Variants in FBXO25 observed in about 807,000 individuals in gnomAD.
FBXO25 encodes the protein F-box protein 25, also known as F-box only protein 25.
Under a neutral mutation model 51.9 loss-of-function variants are expected in FBXO25, and 45 were observed. That is an observed-to-expected ratio of 0.87 (90% CI 0.68 to 1.11). The LOEUF (loss-of-function observed/expected upper bound fraction) is 1.11. FBXO25 is among the 50% of genes most tolerant of loss of function. The pLI is 0.00. For missense variants in FBXO25, 507 were observed against 428.5 expected (o/e 1.18, Z -1.62); for synonymous variants, 199 against 151.0 (o/e 1.32, Z -2.33).
chr8:423,614 G>T (rs548641372), intron 2 of FBXO25, among the ~76,000 whole-genome samples: 46 of 152,240 alleles, frequency 3.0e-4, no homozygotes, highest in Non-Finnish European at 1.6e-4. Flanking sequence ...GCTGCAAAGG[G>T]TGTGATTTTA....
intron 7 of FBXO25, among the ~76,000 whole-genome samples, chr8:454,420 C>G (rs1198203023): frequency 2.0e-5 from 3 of 152,154 alleles, no homozygotes; most frequent in African/African-American, 7.2e-5. Flanking sequence ...GCTCGCTGGG[C>G]CCATCATGAG....
rs989347780 is a variant in FBXO25 at position 467,950 on chromosome 8, G to T, written c.988-765G>T. ...GAGAGTGTTGATGAAATATTTTGCA[G>T]AACAACACCTGAGTGCTGAGGGAGG... On this transcript the variant is annotated intron_variant, in intron 9 of 9. Coordinates refer to ENST00000350302, the MANE Select transcript of FBXO25 (RefSeq NM_183420.2). The T allele has an allele frequency of 4.9e-6, 7 of 1,414,420 alleles. No individual in the cohort carries two copies. In the African/African-American group the frequency reaches 5.8e-5, roughly 12 times the overall value. The allele number at this position is 1,414,420 out of a possible 1,614,324, so 87.6% of individuals were successfully genotyped here.
chr8:410,786 CA>C (rs1441580953), intron 1 of FBXO25, among the ~76,000 whole-genome samples: 1 of 152,098 alleles, frequency 6.6e-6, no homozygotes, highest in Non-Finnish European at 1.5e-5. Flanking sequence ...TTTTCTAAAG[CA>C]AGAATTTAAA....
At chr8:449,878 T>C (rs1798969840) in intron 5 of FBXO25, 112 bp from the exon 6 acceptor site, 1 of 750,004 alleles carries the variant, frequency 1.3e-6, no homozygotes, top group Non-Finnish European at 2.3e-6. Context: ...TACAGTGACT[T>C]AATTTAGGAT....
rs887741891 is a variant in FBXO25 at position 474,542 on chromosome 8, G to A, written c.*5738G>A. On this transcript the variant is annotated 3_prime_UTR_variant, in exon 10 of 10. Coordinates refer to ENST00000350302, the MANE Select transcript of FBXO25 (RefSeq NM_183420.2). Reference sequence around the variant, plus strand: ...AAGGTTCCAGTTTTGCCACATCCTTGCCAACACCTGTTTTTAATAATTGCC... The same window carrying A: ...AAGGTTCCAGTTTTGCCACATCCTTACCAACACCTGTTTTTAATAATTGCC... 2.9e-6 allele frequency: 1 copy of A among 347,946 alleles called. No individual in the cohort carries two copies. The highest frequency in any genetic ancestry group is 5.5e-6 in the Non-Finnish European group (1 of 180,884). 21.6% of individuals were successfully genotyped at this position (347,946 alleles called of 1,614,324 possible).
At chr8:435,859 A>C in intron 5 of FBXO25, 152 bp downstream of exon 5, 1 of 1,109,576 alleles carries the variant, frequency 9.0e-7, no homozygotes, top group Non-Finnish European at 1.2e-6. Context: ...GAACAAGTTC[A>C]GGAGAAAACA....
chr8:423,916 T>A (rs1797314739), intron 2 of FBXO25, among the ~76,000 whole-genome samples: 1 of 152,222 alleles, frequency 6.6e-6, no homozygotes, highest in African/African-American at 2.4e-5. Context: ...GTCAACAGTG[T>A]ATAAGCATTC....
At chr8:430,928 G>T (rs1241864700) in intron 2 of FBXO25, among the ~76,000 whole-genome samples, 4 of 152,072 alleles carry the variant, frequency 2.6e-5, no homozygotes, top group Non-Finnish European at 2.9e-5. Flanking sequence ...CCTTATATAG[G>T]GAGTAAACAG....
intron 3 of FBXO25, 99 bp from the exon 4 acceptor site, chr8:432,787 G>T: frequency 7.5e-7 from 1 of 1,334,352 alleles, no homozygotes; most frequent in Non-Finnish European, 9.9e-7. Flanking sequence ...TAGTAAGTCA[G>T]ATAATTTTGT....
intron 2 of FBXO25, among the ~76,000 whole-genome samples, chr8:424,374 T>G (rs1372039314): frequency 2.6e-5 from 4 of 152,194 alleles, no homozygotes; most frequent in African/African-American, 9.6e-5. Flanking sequence ...TTAATTAAAT[T>G]CTACTTGCCA....
chr8:451,323 G>A lies in FBXO25; in HGVS notation c.530G>A (p.Ser177Asn). The change falls in exon 7 of 10, where the codon AGC (serine) becomes AAC (asparagine). Residue 177 changes from serine to asparagine, a missense_variant. Ser to Asn is a conservative substitution (Grantham distance 46). Transcript: ENST00000350302. ...ATCAAAGATCTTCTGCAAGACCTAA[G>A]CTCTACCCTCTGCATTCTTATTAGA... ...RLIKDLLQDL[S>N]STLCILIRGV... 6.2e-7 allele frequency: 1 copy of A among 1,613,818 alleles called. No homozygotes were observed. Among genetic ancestry groups the A allele is most frequent in the East Asian group, 2.2e-5 (1 of 44,858 alleles).
At chr8:447,319 CA>C (rs1203222251) in intron 5 of FBXO25, among the ~76,000 whole-genome samples, 5 of 152,046 alleles carry the variant, frequency 3.3e-5, no homozygotes, top group African/African-American at 9.7e-5. Flanking sequence ...GCCCTTCCCC[CA>C]ACCCTGAGGG....
chr8:437,831 A>G (rs184515072), intron 5 of FBXO25, among the ~76,000 whole-genome samples: 38 of 151,966 alleles, frequency 2.5e-4, no homozygotes, highest in African/African-American at 8.9e-4. Context: ...GTTTATGGCA[A>G]CACTTACTAC....
chr8:433,136 T>C (rs557024670), intron 4 of FBXO25, among the ~76,000 whole-genome samples: 2 of 152,284 alleles, frequency 1.3e-5, no homozygotes, highest in African/African-American at 4.8e-5. Context: ...TGCATGTGCA[T>C]GTGGTATGTG....
Position 454,004 on chromosome 8 carries a change from G to A in FBXO25, c.660+2551G>A, listed in dbSNP as rs374107361. Among the ~76,000 whole-genome samples, 14 of 152,210 alleles carry A rather than the reference G, an allele frequency of 9.2e-5. No homozygotes were observed. The South Asian group carries it at 2.7e-3, about 29-fold the overall frequency. ...CCAGGTGTGGTGGCAGGTACCTGTA[G>A]TCACAGCTACTCGGGAGGCTAAGGC... On this transcript the variant is annotated intron_variant, in intron 7 of 9. Coordinates refer to ENST00000350302, the MANE Select transcript of FBXO25 (RefSeq NM_183420.2).
intron 7 of FBXO25, among the ~76,000 whole-genome samples, chr8:452,023 T>A (rs1282539355): frequency 6.6e-6 from 1 of 152,198 alleles, no homozygotes; most frequent in African/African-American, 2.4e-5. Flanking sequence ...CTAGTACTCA[T>A]AAGAAAAAGA....
intron 5 of FBXO25, among the ~76,000 whole-genome samples, chr8:447,834 A>G (rs1463972820): frequency 6.6e-6 from 1 of 152,184 alleles, no homozygotes; most frequent in Non-Finnish European, 1.5e-5. Context: ...AAAAAGTTCC[A>G]GAGTTTGGAG....
Position 474,488 on chromosome 8 carries a change from G to A in FBXO25, c.*5684G>A, listed in dbSNP as rs1040553036. 5 of 329,600 alleles carry A rather than the reference G, an allele frequency of 1.5e-5. No homozygotes were observed. Among genetic ancestry groups the A allele is most frequent in the African/African-American group, 4.4e-5 (2 of 45,450 alleles). The allele number at this position is 329,600 out of a possible 1,614,324, so 20.4% of individuals were successfully genotyped here. On this transcript the variant is annotated 3_prime_UTR_variant, in exon 10 of 10. Transcript: ENST00000350302. ...GGGCACTGCCATAAGTGTTTTACAC[G>A]GTGGCTGCACCATTTTACATTCCCA... is the stretch of plus-strand genomic sequence containing the variant.
intron 5 of FBXO25, among the ~76,000 whole-genome samples, chr8:442,465 T>C (rs1264874865): frequency 1.3e-5 from 2 of 152,106 alleles, no homozygotes. Context: ...TATTTCCACT[T>C]TAGTTTTTTA....
Sources: gnomAD v4.1 joint callset for allele counts (sites outside exome capture counted in the v4.1 genomes callset) on GRCh38, gnomAD v4.1.1 for gene constraint, MANE v1.5 for transcripts, NCBI Gene and HGNC (gene_info 2026-07-23, HGNC 2026-07-21) for gene names.